The following RBP2 variants were observed in gnomAD, a reference collection of about 807,000 sequenced individuals.
RBP2 encodes the protein retinol-binding protein 2.
RBP2 carries 17 observed loss-of-function variants against 17.0 expected under a neutral mutation model. The observed-to-expected ratio is 1.00, with a 90% CI of 0.68 to 1.50. The LOEUF (loss-of-function observed/expected upper bound fraction) is 1.50. RBP2 is among the 40% of genes most tolerant of loss of function. The pLI is 0.00. For missense variants in RBP2, 158 were observed against 168.2 expected (o/e 0.94, Z 0.33); for synonymous variants, 48 against 57.1 (o/e 0.84, Z 0.72).
At chr3:139,453,254 G>C (rs1943342628) in intron 3 of RBP2, 88 bp from the exon 4 acceptor site, 1 of 1,477,706 alleles carries the variant, frequency 6.8e-7, no homozygotes, top group African/African-American at 1.4e-5. Flanking sequence ...GGGGGTGGGA[G>C]GTTGGAATAA....
intron 2 of RBP2, among the ~76,000 whole-genome samples, chr3:139,457,757 A>G (rs1327392468): frequency 2.0e-5 from 3 of 152,196 alleles, no homozygotes; most frequent in Non-Finnish European, 2.9e-5. Context: ...AATGGAAACA[A>G]GTGAGGAAAG....
chr3:139,464,869 G>A (rs555594505), intron 1 of RBP2, among the ~76,000 whole-genome samples: 1 of 152,078 alleles, frequency 6.6e-6, no homozygotes, highest in African/African-American at 2.4e-5. Context: ...CAGATTTCTG[G>A]GTCCTATCCC....
intron 1 of RBP2, among the ~76,000 whole-genome samples, chr3:139,473,993 T>C (rs1365984594): frequency 6.6e-6 from 1 of 152,184 alleles, no homozygotes; most frequent in Non-Finnish European, 1.5e-5. Flanking sequence ...GTATTAATCT[T>C]AATCAGTTGA....
At chr3:139,464,229 G>A (rs1013132984) in intron 1 of RBP2, among the ~76,000 whole-genome samples, 1 of 152,170 alleles carries the variant, frequency 6.6e-6, no homozygotes, top group Non-Finnish European at 1.5e-5. Flanking sequence ...GGAGGCCTAG[G>A]TGGGTGGATC....
intron 2 of RBP2, among the ~76,000 whole-genome samples, chr3:139,459,200 C>T (rs1559804760): frequency 1.3e-5 from 2 of 152,044 alleles, no homozygotes; most frequent in Non-Finnish European, 2.9e-5. Flanking sequence ...CTCACACATC[C>T]TCACACTCCC....
chr3:139,471,651 A>T (rs6804106), intron 1 of RBP2, among the ~76,000 whole-genome samples: 14 of 152,356 alleles, frequency 9.2e-5, no homozygotes, highest in African/African-American at 2.9e-4. Context: ...ATTTTTGGAC[A>T]CATGCTTCCC....
intron 1 of RBP2, among the ~76,000 whole-genome samples, chr3:139,473,477 A>G (rs1933628275): frequency 6.6e-6 from 1 of 152,202 alleles, no homozygotes; most frequent in Non-Finnish European, 1.5e-5. Flanking sequence ...AAGTATTAGA[A>G]ATCGATGATT....
intron 1 of RBP2, among the ~76,000 whole-genome samples, chr3:139,467,643 A>T (rs1166015676): frequency 6.6e-6 from 1 of 152,226 alleles, no homozygotes; most frequent in Non-Finnish European, 1.5e-5. Flanking sequence ...AATGCTTTAC[A>T]TAGTACCAAG....
At chr3:139,453,400 T>C (rs1943345035) in intron 3 of RBP2, among the ~76,000 whole-genome samples, 1 of 152,230 alleles carries the variant, frequency 6.6e-6, no homozygotes, top group African/African-American at 2.4e-5. Flanking sequence ...TGCAAAGAAA[T>C]GACCCTCTTG....
chr3:139,472,552 G>A (rs1419958233), intron 1 of RBP2, among the ~76,000 whole-genome samples: 1 of 152,096 alleles, frequency 6.6e-6, no homozygotes, highest in Admixed American at 6.5e-5. Context: ...AGGTCACATG[G>A]GGAGACCACA....
chr3:139,461,431 A>T (rs191936250), intron 2 of RBP2, among the ~76,000 whole-genome samples: 14 of 152,256 alleles, frequency 9.2e-5, no homozygotes, highest in Admixed American at 4.6e-4. Context: ...AGTTGCCTAG[A>T]TTATCCCTTG....
At chr3:139,469,517 C>T (rs902137412) in intron 1 of RBP2, among the ~76,000 whole-genome samples, 1 of 152,166 alleles carries the variant, frequency 6.6e-6, no homozygotes, top group Non-Finnish European at 1.5e-5. Context: ...TTTTCCATCC[C>T]TCAGCATTTC....
intron 2 of RBP2, among the ~76,000 whole-genome samples, chr3:139,455,348 C>T (rs1943377394): frequency 6.6e-6 from 1 of 152,108 alleles, no homozygotes; most frequent in African/African-American, 2.4e-5. Flanking sequence ...TAGCAGATGG[C>T]TTCTAAACAT....
At chr3:139,470,159 T>TC (rs1473226546) in intron 1 of RBP2, among the ~76,000 whole-genome samples, 1 of 151,998 alleles carries the variant, frequency 6.6e-6, no homozygotes, top group East Asian at 1.9e-4. Context: ...TAATGCATGC[T>TC]CCCCCGCCAC....
At chr3:139,459,833 A>AGTGTGTGTGT (rs56943288) in intron 2 of RBP2, among the ~76,000 whole-genome samples, 1 of 134,002 alleles carries the variant, frequency 7.5e-6, no homozygotes, top group African/African-American at 2.6e-5. Context: ...GGTGTGTGTG[A>AGTGTGTGTGT]GTGTGTGTGT....
intron 1 of RBP2, among the ~76,000 whole-genome samples, chr3:139,471,936 C>T (rs1933583146): frequency 6.6e-6 from 1 of 152,240 alleles, no homozygotes; most frequent in South Asian, 2.1e-4. Flanking sequence ...AGACCCTCTC[C>T]TTGCAAGGTG....
intron 1 of RBP2, 24 bp from the exon 2 acceptor site, chr3:139,462,314 G>A (rs773536206): frequency 6.8e-6 from 11 of 1,612,132 alleles, no homozygotes; most frequent in East Asian, 6.7e-5. Flanking sequence ...GAGTTGTGGA[G>A]GTTATGATGT....
At chr3:139,466,011 T>C (rs1035900279) in intron 1 of RBP2, among the ~76,000 whole-genome samples, 7 of 152,134 alleles carry the variant, frequency 4.6e-5, no homozygotes, top group Non-Finnish European at 1.0e-4. Flanking sequence ...TTCCCCACTG[T>C]ATTTGCCATG....
intron 1 of RBP2, among the ~76,000 whole-genome samples, chr3:139,472,887 T>C (rs1401938325): frequency 6.6e-6 from 1 of 152,270 alleles, no homozygotes; most frequent in Non-Finnish European, 1.5e-5. Context: ...CTGCTTCAGA[T>C]GGCACAGTCC....
Sources: allele counts gnomAD v4.1 joint callset (sites outside exome capture counted in the v4.1 genomes callset), GRCh38; gene constraint gnomAD v4.1.1; transcripts MANE v1.5; gene names NCBI Gene and HGNC (gene_info 2026-07-23, HGNC 2026-07-21).